Variants in IL1RAPL2 observed in about 807,000 individuals in gnomAD.
The protein encoded by IL1RAPL2 is X-linked interleukin-1 receptor accessory protein-like 2.
Under a neutral mutation model 44.1 loss-of-function variants are expected in IL1RAPL2, and 3 were observed. That is an observed-to-expected ratio of 0.07 (90% confidence interval 0.03 to 0.18). IL1RAPL2 has a LOEUF of 0.18. IL1RAPL2 is among the 10% of genes least tolerant of loss of function. The pLI is 1.00. For missense variants in IL1RAPL2, 391 were observed against 496.4 expected (o/e 0.79, Z 2.02); for synonymous variants, 181 against 178.8 (o/e 1.01, Z -0.10).
At chrX:104,593,541 G>A (rs1396783743) in intron 1 of IL1RAPL2, among the ~76,000 whole-genome samples, 7 of 111,809 alleles carry the variant, frequency 6.3e-5, no homozygotes, top group Non-Finnish European at 1.1e-4. Context: ...TAATTGAACT[G>A]TCTGCTTCTG....
chrX:105,025,988 A>G (rs2031364819), intron 2 of IL1RAPL2, among the ~76,000 whole-genome samples: 1 of 111,087 alleles, frequency 9.0e-6, no homozygotes, highest in Admixed American at 9.6e-5. Flanking sequence ...GAAGATAACA[A>G]CATTTTGAAT....
intron 5 of IL1RAPL2, among the ~76,000 whole-genome samples, chrX:105,360,144 T>C (rs1278792332): frequency 9.0e-6 from 1 of 111,513 alleles, no homozygotes; most frequent in Non-Finnish European, 1.9e-5. Context: ...ATAAGTAATT[T>C]TGTCTGTCTG....
chrX:104,606,055 G>A (rs187760915), intron 1 of IL1RAPL2, among the ~76,000 whole-genome samples: 1,404 of 111,919 alleles, frequency 0.013, 31 homozygotes, highest in African/African-American at 0.042. Flanking sequence ...GATGAACATC[G>A]ATGTGAAAAT....
At chrX:105,503,742 T>C (rs1324906295) in intron 6 of IL1RAPL2, among the ~76,000 whole-genome samples, 1 of 111,738 alleles carries the variant, frequency 8.9e-6, no homozygotes, top group Non-Finnish European at 1.9e-5. Context: ...TGTTTCCTTC[T>C]GGAGGCAAAA....
At chrX:105,447,666 AATATAT>A (rs1420101181) in intron 5 of IL1RAPL2, among the ~76,000 whole-genome samples, 2 of 78,274 alleles carry the variant, frequency 2.6e-5, no homozygotes, top group South Asian at 1.4e-3. Context: ...AATAAATATA[AATATAT>A]ATAAATATAT....
rs1383731680 is a variant in IL1RAPL2, at chrX:105,408,431, T to C, written c.698-75882T>C. ...CTCATCAACATGAGGCAAGGAATCA[T>C]TGAAAACCACCTGTGTCTCCTTTGG... On this transcript the variant is annotated intron_variant, in intron 5 of 10. Transcript: ENST00000372582. Among the ~76,000 whole-genome samples the C allele has an allele frequency of 3.6e-5, 4 of 110,360 alleles. No homozygotes were observed. The Admixed American group carries it at 3.9e-4, about 11-fold the overall frequency.
chrX:105,279,543 G>A (rs1179392255), intron 5 of IL1RAPL2, among the ~76,000 whole-genome samples: 1 of 111,319 alleles, frequency 9.0e-6, no homozygotes, highest in African/African-American at 3.3e-5. Context: ...GCAGTGGTGC[G>A]ATCTCGGCTC....
At chrX:105,706,709 C>G (rs766807715) in intron 6 of IL1RAPL2, among the ~76,000 whole-genome samples, 2 of 111,508 alleles carry the variant, frequency 1.8e-5, no homozygotes, top group Non-Finnish European at 3.8e-5. Context: ...TCAGGCCATT[C>G]CTGCCTAAGA....
At chrX:105,639,142 AT>A (rs1235254177) in intron 6 of IL1RAPL2, among the ~76,000 whole-genome samples, 1 of 111,856 alleles carries the variant, frequency 8.9e-6, no homozygotes, top group Non-Finnish European at 1.9e-5. Flanking sequence ...AAGACCTAGT[AT>A]GGATGTTGTC....
At chrX:104,889,061 A>G (rs1923342407) in intron 2 of IL1RAPL2, among the ~76,000 whole-genome samples, 1 of 111,204 alleles carries the variant, frequency 9.0e-6, no homozygotes, top group Admixed American at 9.6e-5. Flanking sequence ...TCAAGCCCCA[A>G]CTGATCATAG....
intron 6 of IL1RAPL2, among the ~76,000 whole-genome samples, chrX:105,549,669 A>C (rs2036836141): frequency 1.8e-5 from 2 of 111,535 alleles, no homozygotes; most frequent in Admixed American, 1.9e-4. Context: ...TCTGCATGGT[A>C]GTTTTTCTCA....
At chrX:105,702,523 C>T (rs1421569865) in intron 6 of IL1RAPL2, among the ~76,000 whole-genome samples, 1 of 111,654 alleles carries the variant, frequency 9.0e-6, no homozygotes, top group Non-Finnish European at 1.9e-5. Flanking sequence ...AATAACAACC[C>T]CTCATATTGG....
chrX:104,660,620 GACACAC>G (rs3055134), intron 2 of IL1RAPL2, among the ~76,000 whole-genome samples: 3 of 95,553 alleles, frequency 3.1e-5, no homozygotes, highest in Admixed American at 2.4e-4. Context: ...TGTATGTATA[GACACAC>G]ACACACACAC....
intron 6 of IL1RAPL2, among the ~76,000 whole-genome samples, chrX:105,489,756 T>TTCTTTCTCTCTCTCTC (rs2036298057): frequency 1.1e-5 from 1 of 88,876 alleles, no homozygotes; most frequent in African/African-American, 6.0e-5. Context: ...CTTTCTTTCT[T>TTCTTTCTCTCTCTCTC]TCTCTTTCTT....
chrX:105,166,301 T>C (rs111608805), intron 2 of IL1RAPL2, among the ~76,000 whole-genome samples: 5,094 of 111,093 alleles, frequency 0.046, 313 homozygotes, highest in African/African-American at 0.16. Flanking sequence ...GCCTGACGTA[T>C]AGGTGCTCGA....
intron 2 of IL1RAPL2, among the ~76,000 whole-genome samples, chrX:105,049,913 TA>T (rs1005449023): frequency 6.4e-5 from 7 of 109,925 alleles, no homozygotes; most frequent in Admixed American, 9.8e-5. Flanking sequence ...AGTTCTTAAT[TA>T]AAAAAAAATA....
At chrX:104,639,853 A>C (rs1210942168) in intron 1 of IL1RAPL2, among the ~76,000 whole-genome samples, 1 of 111,578 alleles carries the variant, frequency 9.0e-6, no homozygotes, top group Non-Finnish European at 1.9e-5. Flanking sequence ...ATCTGCTCTT[A>C]GTCTAATGGG....
chrX:104,642,960 T>G lies in IL1RAPL2; in HGVS notation c.-19-15935T>G, dbSNP rs1929963373. Among the ~76,000 whole-genome samples the G allele has an allele frequency of 4.4e-5, 5 of 112,417 alleles. No homozygotes were observed. In the South Asian group the frequency reaches 1.9e-3, roughly 42 times the overall value. ...ATTAGGAATGTTAGAATAACATCCG[T>G]GTACATGAGTCTGACTGTATTTTCT... On this transcript the variant is annotated intron_variant, in intron 1 of 10. Coordinates refer to ENST00000372582, the MANE Select transcript of IL1RAPL2 (RefSeq NM_017416.2).
At chrX:105,268,305 A>C (rs2034419753) in intron 5 of IL1RAPL2, among the ~76,000 whole-genome samples, 1 of 111,521 alleles carries the variant, frequency 9.0e-6, no homozygotes, top group Admixed American at 9.6e-5. Flanking sequence ...AATCTCATAT[A>C]TGGAACCTAA....
Sources: allele counts gnomAD v4.1 joint callset (sites outside exome capture counted in the v4.1 genomes callset), GRCh38; gene constraint gnomAD v4.1.1; transcripts MANE v1.5; gene names NCBI Gene and HGNC (gene_info 2026-07-23, HGNC 2026-07-21).